HIKESHI: variants seen among roughly 807,000 people sequenced by gnomAD.
The protein encoded by HIKESHI is heat shock protein nuclear import factor hikeshi.
A neutral mutation model predicts 25.7 loss-of-function variants in HIKESHI; 13 were observed. That is an observed-to-expected ratio of 0.51 (90% CI 0.33 to 0.80). The LOEUF (loss-of-function observed/expected upper bound fraction) is 0.80, where lower values mean the gene tolerates loss of function less well. HIKESHI is among the 30% of genes least tolerant of loss of function. The pLI, the probability that HIKESHI is intolerant of heterozygous loss-of-function variation, is 0.02. For synonymous variants in HIKESHI, 76 were observed against 78.7 expected (o/e 0.97, Z 0.18); for missense variants, 174 against 229.5 (o/e 0.76, Z 1.56).
At chr11:86,318,522 C>T (rs995350226) in intron 2 of HIKESHI, among the ~76,000 whole-genome samples, 7 of 151,598 alleles carry the variant, frequency 4.6e-5, no homozygotes, top group Non-Finnish European at 5.9e-5. Context: ...AATTTTGAAG[C>T]CAATATAACC....
chr11:86,339,981 A>G (rs1947680676), intron 3 of HIKESHI, among the ~76,000 whole-genome samples: 1 of 146,784 alleles, frequency 6.8e-6, no homozygotes, highest in African/African-American at 2.5e-5. Flanking sequence ...ATTCCCACCT[A>G]TGAGTGAGGA....
intron 2 of HIKESHI, among the ~76,000 whole-genome samples, chr11:86,320,021 A>T (rs989357558): frequency 5.9e-5 from 9 of 152,314 alleles, no homozygotes; most frequent in South Asian, 4.1e-4. Context: ...TGGAGTTGTC[A>T]TAGGAAAGGC....
intron 2 of HIKESHI, among the ~76,000 whole-genome samples, chr11:86,312,850 G>C (rs1426945399): frequency 3.3e-5 from 5 of 152,178 alleles, no homozygotes; most frequent in African/African-American, 9.7e-5. Flanking sequence ...ATTCTGGGTT[G>C]AAAATTCTTT....
intron 2 of HIKESHI, among the ~76,000 whole-genome samples, chr11:86,324,475 A>G (rs291220): frequency 0.71 from 107,762 of 152,088 alleles, 38,532 homozygotes; most frequent in East Asian, 0.82. Context: ...GAGACTTAGA[A>G]CATACCAACA....
chr11:86,311,434 A>G (rs550226061), intron 2 of HIKESHI, among the ~76,000 whole-genome samples: 1 of 151,998 alleles, frequency 6.6e-6, no homozygotes, highest in South Asian at 2.1e-4. Flanking sequence ...TATTGAGTCT[A>G]TTTGATTCTT....
intron 2 of HIKESHI, among the ~76,000 whole-genome samples, chr11:86,336,947 A>C (rs1169140187): frequency 6.6e-6 from 1 of 152,184 alleles, no homozygotes; most frequent in Non-Finnish European, 1.5e-5. Context: ...AAAGGAAAAA[A>C]AAAAAAGCCA....
At chr11:86,326,539 C>T (rs755911604) in intron 2 of HIKESHI, 10 of 455,942 alleles carry the variant, frequency 2.2e-5, no homozygotes, top group Non-Finnish European at 4.0e-5. Flanking sequence ...TACTTGCTGC[C>T]TACTTTCAAC....
At chr11:86,310,812 T>G (rs972467703) in intron 2 of HIKESHI, among the ~76,000 whole-genome samples, 1 of 152,208 alleles carries the variant, frequency 6.6e-6, no homozygotes, top group Admixed American at 6.5e-5. Flanking sequence ...CTGCATCTAT[T>G]GAGATATCAT....
At chr11:86,331,734 C>A (rs896898322) in intron 2 of HIKESHI, among the ~76,000 whole-genome samples, 1 of 151,880 alleles carries the variant, frequency 6.6e-6, no homozygotes, top group Admixed American at 6.6e-5. Flanking sequence ...TACTGATAAG[C>A]CTTTGAGAGT....
At chr11:86,342,550 G>C (rs1947762295) in intron 3 of HIKESHI, among the ~76,000 whole-genome samples, 1 of 150,182 alleles carries the variant, frequency 6.7e-6, no homozygotes, top group Admixed American at 6.7e-5. Context: ...ATGTTGCCCA[G>C]GCTGGTCTCA....
At chr11:86,317,076 G>A (rs913048377) in intron 2 of HIKESHI, among the ~76,000 whole-genome samples, 5 of 152,096 alleles carry the variant, frequency 3.3e-5, no homozygotes, top group Non-Finnish European at 5.9e-5. Flanking sequence ...ACAGGCATGA[G>A]CCACCACGCC....
intron 3 of HIKESHI, 99 bp downstream of exon 3, chr11:86,337,629 G>A: frequency 4.1e-6 from 5 of 1,206,070 alleles, no homozygotes; most frequent in Non-Finnish European, 5.7e-6. Context: ...ACAATGTGAT[G>A]TTTTTGATAC....
intron 2 of HIKESHI, among the ~76,000 whole-genome samples, chr11:86,328,418 G>A (rs11827831): frequency 0.083 from 12,345 of 149,276 alleles, 771 homozygotes; most frequent in African/African-American, 0.17. Flanking sequence ...ACCACCATGC[G>A]CAGCTAATGT....
At chr11:86,317,624 G>T (rs975698286) in intron 2 of HIKESHI, among the ~76,000 whole-genome samples, 6 of 152,036 alleles carry the variant, frequency 3.9e-5, no homozygotes, top group Admixed American at 3.9e-4. Flanking sequence ...GGCCAATATG[G>T]TGAAACCTTG....
chr11:86,338,064 C>T (rs1947618542), intron 3 of HIKESHI, among the ~76,000 whole-genome samples: 1 of 152,176 alleles, frequency 6.6e-6, no homozygotes, highest in African/African-American at 2.4e-5. Flanking sequence ...TAGCAAATTA[C>T]AAGTATACAT....
At chr11:86,334,236 ATGTGTGTGTGTG>A (rs60951435) in intron 2 of HIKESHI, among the ~76,000 whole-genome samples, 14 of 147,004 alleles carry the variant, frequency 9.5e-5, no homozygotes, top group African/African-American at 2.0e-4. Context: ...TTTGTAAAAT[ATGTGTGTGTGTG>A]TGTGTGTGTG....
intron 2 of HIKESHI, among the ~76,000 whole-genome samples, chr11:86,314,481 G>A (rs1946921148): frequency 6.6e-6 from 1 of 152,134 alleles, no homozygotes; most frequent in Non-Finnish European, 1.5e-5. Context: ...CAGGCATGGT[G>A]GCATGTGCCT....
intron 2 of HIKESHI, among the ~76,000 whole-genome samples, chr11:86,318,704 A>G (rs1947065132): frequency 6.6e-6 from 1 of 152,202 alleles, no homozygotes; most frequent in South Asian, 2.1e-4. Context: ...ATTTAAGTGG[A>G]ATATTGAACC....
At chr11:86,310,255 C>G (rs912192896) in intron 2 of HIKESHI, among the ~76,000 whole-genome samples, 10 of 148,988 alleles carry the variant, frequency 6.7e-5, no homozygotes, top group Admixed American at 6.8e-5. Context: ...GCAGTGGTTT[C>G]TAGTTCTCCT....
Sources: gnomAD v4.1 joint callset for allele counts (sites outside exome capture counted in the v4.1 genomes callset) on GRCh38, gnomAD v4.1.1 for gene constraint, MANE v1.5 for transcripts, NCBI Gene and HGNC (gene_info 2026-07-23, HGNC 2026-07-21) for gene names.